MMP26: variants seen among roughly 807,000 people sequenced by gnomAD.
MMP26 encodes matrix metalloproteinase-26.
A neutral mutation model predicts 31.0 loss-of-function variants in MMP26; 33 were observed. The ratio of observed to expected loss-of-function variants is 1.06; its 90% CI spans 0.81 to 1.42. MMP26 has a LOEUF of 1.42. Among genes scored for constraint, MMP26 ranks in the 40% most tolerant of loss-of-function variants. The pLI is 0.00. For missense variants in MMP26, 347 were observed against 316.1 expected (o/e 1.10, Z -0.74); for synonymous variants, 122 against 114.9 (o/e 1.06, Z -0.40).
chr11:4,909,989 T>C (rs79801017), intron 2 of MMP26, among the ~76,000 whole-genome samples: 9 of 152,154 alleles, frequency 5.9e-5, no homozygotes, highest in African/African-American at 1.9e-4. Context: ...CTGCATTCAT[T>C]TTCTATTTCT....
chr11:4,717,868 T>TA (rs1847955942), intron 1 of MMP26, among the ~76,000 whole-genome samples: 1 of 152,148 alleles, frequency 6.6e-6, no homozygotes, highest in Non-Finnish European at 1.5e-5. Flanking sequence ...CATGCAGCTG[T>TA]AAAAAACGTT....
intron 2 of MMP26, chr11:4,860,065 C>T: frequency 2.1e-6 from 1 of 471,070 alleles, no homozygotes. Flanking sequence ...GAAGGGTAGG[C>T]ACTTTATAAG....
intron 1 of MMP26, among the ~76,000 whole-genome samples, chr11:4,714,784 G>C (rs1362639696): frequency 6.6e-6 from 1 of 151,942 alleles, no homozygotes; most frequent in Non-Finnish European, 1.5e-5. Flanking sequence ...TCTTACAATG[G>C]GCCTGGAGTG....
intron 1 of MMP26, among the ~76,000 whole-genome samples, chr11:4,709,246 T>G (rs781587225): frequency 6.6e-6 from 1 of 152,120 alleles, no homozygotes; most frequent in Non-Finnish European, 1.5e-5. Context: ...GTCATAGAAA[T>G]GGGAAACATT....
chr11:4,914,995 A>G (rs1381106849), intron 2 of MMP26: 2 of 1,614,032 alleles, frequency 1.2e-6, no homozygotes, highest in African/African-American at 2.7e-5. Context: ...GGATCAGAGC[A>G]TAAGAGAAGA....
intron 2 of MMP26, among the ~76,000 whole-genome samples, chr11:4,883,865 A>C (rs896779721): frequency 1.3e-5 from 2 of 152,024 alleles, no homozygotes; most frequent in African/African-American, 4.8e-5. Flanking sequence ...TTTTTTCCAC[A>C]GTTTTGATAA....
chr11:4,916,274 A>G (rs1851089924), intron 2 of MMP26, among the ~76,000 whole-genome samples: 1 of 151,734 alleles, frequency 6.6e-6, no homozygotes, highest in Non-Finnish European at 1.5e-5. Context: ...CTTTTCTCTT[A>G]TAGCAGCATA....
At chr11:4,987,956 A>G (rs555728444) in intron 2 of MMP26, 112 bp from the exon 3 acceptor site, 2 of 521,324 alleles carry the variant, frequency 3.8e-6, no homozygotes, top group South Asian at 4.4e-5. Flanking sequence ...TATTTCCTTA[A>G]CCAGGCCTGT....
Position 4,983,139 on chromosome 11 carries a change from G to A in MMP26, c.-144-4929G>A, listed in dbSNP as rs896556353. Among the ~76,000 whole-genome samples, 4 of 152,168 alleles carry A rather than the reference G, an allele frequency of 2.6e-5. No individual in the cohort carries two copies. In the East Asian group the frequency reaches 5.8e-4, roughly 22 times the overall value. On this transcript the variant is annotated intron_variant, in intron 2 of 7. Coordinates refer to ENST00000380390, the MANE Select transcript of MMP26 (RefSeq NM_021801.5). ...TCAGTTGAATAAATAAATTGCAAATGCAAAATAGTTTCAGGAGAGAAAATA... is the reference window on the plus strand; with the variant it reads ...TCAGTTGAATAAATAAATTGCAAATACAAAATAGTTTCAGGAGAGAAAATA...
At chr11:4,723,487 G>C (rs1848048644) in intron 1 of MMP26, 1 of 1,106,762 alleles carries the variant, frequency 9.0e-7, no homozygotes, top group Non-Finnish European at 1.4e-6. Context: ...CTGCAGCTCT[G>C]GGATCTCCTC....
At chr11:4,941,402 A>T (rs2605298) in intron 2 of MMP26, among the ~76,000 whole-genome samples, 126,942 of 152,194 alleles carry the variant, frequency 0.83, 53,117 homozygotes, top group Middle Eastern at 0.91. Flanking sequence ...ACTTTTCACC[A>T]GAAATCTTTG....
chr11:4,778,108 C>G (rs1848812411), intron 2 of MMP26, among the ~76,000 whole-genome samples: 1 of 152,040 alleles, frequency 6.6e-6, no homozygotes. Context: ...CAAATCAATT[C>G]ACATCTTTCT....
chr11:4,881,281 C>T (rs1274445323), intron 2 of MMP26, among the ~76,000 whole-genome samples: 1 of 152,100 alleles, frequency 6.6e-6, no homozygotes, highest in African/African-American at 2.4e-5. Flanking sequence ...TATCCAGTGT[C>T]ATTTCTTTGC....
intron 2 of MMP26, chr11:4,769,264 C>A (rs1368694095): frequency 1.2e-6 from 2 of 1,613,746 alleles, no homozygotes; most frequent in Admixed American, 1.7e-5. Context: ...AGATATATGA[C>A]AGGACAATGC....
At chr11:4,782,603 A>G (rs563212094) in intron 2 of MMP26, among the ~76,000 whole-genome samples, 14 of 152,170 alleles carry the variant, frequency 9.2e-5, no homozygotes, top group Non-Finnish European at 1.8e-4. Flanking sequence ...ACAAATTTGC[A>G]TAAGTAAGAA....
At chr11:4,770,550 A>C (rs1294190100) in intron 2 of MMP26, among the ~76,000 whole-genome samples, 1 of 152,190 alleles carries the variant, frequency 6.6e-6, no homozygotes, top group Non-Finnish European at 1.5e-5. Flanking sequence ...TATGGGGACT[A>C]TGAAAACCAA....
chr11:4,798,196 G>A (rs912199969), intron 2 of MMP26, among the ~76,000 whole-genome samples: 1 of 152,200 alleles, frequency 6.6e-6, no homozygotes, highest in African/African-American at 2.4e-5. Flanking sequence ...TCAGGGGTGG[G>A]GATGGGGTGA....
At chr11:4,760,562 C>T (rs944393142) in intron 1 of MMP26, among the ~76,000 whole-genome samples, 1 of 152,160 alleles carries the variant, frequency 6.6e-6, no homozygotes, top group Non-Finnish European at 1.5e-5. Flanking sequence ...AGTTTCCTTG[C>T]TACGTATCTC....
chr11:4,872,912 G>C (rs1850330275), intron 2 of MMP26, among the ~76,000 whole-genome samples: 1 of 152,026 alleles, frequency 6.6e-6, no homozygotes, highest in South Asian at 2.1e-4. Context: ...GAAGAGACAA[G>C]CTGGACATAC....
Sources: gnomAD v4.1 joint callset for allele counts (sites outside exome capture counted in the v4.1 genomes callset) on GRCh38, gnomAD v4.1.1 for gene constraint, MANE v1.5 for transcripts, NCBI Gene and HGNC (gene_info 2026-07-23, HGNC 2026-07-21) for gene names.